Variants in RO60 observed in about 807,000 individuals in gnomAD.
The protein encoded by RO60 is RNA-binding protein RO60.
In RO60, 20 loss-of-function variants were observed where a neutral mutation model predicts 55.3. The ratio of observed to expected loss-of-function variants is 0.36; its 90% CI spans 0.25 to 0.53. RO60 has a LOEUF of 0.53. Among genes scored for constraint, RO60 ranks in the 20% least tolerant of loss-of-function variants. RO60 has a pLI of 0.92. For missense variants in RO60, 558 were observed against 646.6 expected, an observed-to-expected ratio of 0.86 and a Z score of 1.49; for synonymous variants, 213 against 213.6, an observed-to-expected ratio of 1.00 and a Z score of 0.02.
intron 1 of RO60, among the ~76,000 whole-genome samples, chr1:193,060,737 A>AT (rs1553268111): frequency 2.0e-5 from 3 of 152,072 alleles, no homozygotes; most frequent in Admixed American, 6.6e-5. Flanking sequence ...TTTAAAAAAA[A>AT]TTTTTTTTGT....
chr1:193,089,795 TA>T lies in RO60; in HGVS notation c.*5065del, dbSNP rs1379590805. ...ACATTAATTTTATGAACATAAATGA[TA>T]TTTAACTTTTCTTTTTTTTTTTTTT... On this transcript the variant is annotated 3_prime_UTR_variant, in exon 9 of 9. Transcript: ENST00000400968. The T allele has an allele frequency of 7.9e-5, 12 of 151,706 alleles. No homozygotes were observed. The highest frequency in any genetic ancestry group is 2.9e-4 in the African/African-American group (12 of 41,384). 9.4% of individuals were successfully genotyped at this position (151,706 alleles called of 1,614,324 possible). A position where few individuals can be genotyped will look rare whatever the true frequency, so the allele number is the denominator to read the frequency against.
chr1:193,091,529 CAACT>C (rs1674857481), downstream of RO60: 5 of 801,332 alleles, frequency 6.2e-6, no homozygotes, highest in Non-Finnish European at 1.0e-5. Context: ...GTAAATAATA[CAACT>C]AACAATGTAA....
rs1261075103 is a variant in RO60, at chr1:193,089,008, G to A, written c.*4277G>A. On this transcript the variant is annotated 3_prime_UTR_variant, in exon 9 of 9. Transcript: ENST00000400968. ...ATGAACCTTTTGCAGATTGCTTTTT[G>A]TTTCATACAAGTATAAGATCATATT... 6.6e-6 allele frequency: 1 copy of A among 152,042 alleles called. No individual in the cohort carries two copies. The highest frequency in any genetic ancestry group is 2.4e-5 in the African/African-American group (1 of 41,406). 9.4% of individuals were successfully genotyped at this position (152,042 alleles called of 1,614,324 possible). A position where few individuals can be genotyped will look rare whatever the true frequency, so the allele number is the denominator to read the frequency against.
At chr1:193,066,909 T>A (rs1199821493) in intron 1 of RO60, among the ~76,000 whole-genome samples, 1 of 152,250 alleles carries the variant, frequency 6.6e-6, no homozygotes, top group African/African-American at 2.4e-5. Flanking sequence ...ATCAGTTTTT[T>A]AGTTTGCCTT....
chr1:193,060,248 G>T, intron 1 of RO60: 3 of 482,076 alleles, frequency 6.2e-6, no homozygotes, highest in Non-Finnish European at 9.9e-6. Context: ...TGCTAGACTA[G>T]TGGAAGGGGA....
Position 193,059,806 on chromosome 1 carries a change from GC to G in RO60, c.-22+32del. The stretch of plus-strand genomic sequence containing the variant: ...GGACATTGCGGGAGGCCGGCTGGGA[GC>G]CTTTTGTGCGGCCCCAGGGACGCGC... On this transcript the variant is annotated intron_variant, in intron 1 of 8. Coordinates refer to ENST00000400968, the MANE Select transcript of RO60 (RefSeq NM_001173524.2). This position sits in a 1 kb window ranked among gnomAD's most constrained non-coding sequence, Gnocchi z 4.9. 2 of 1,356,786 alleles carry G rather than the reference GC, an allele frequency of 1.5e-6. No homozygotes were observed. The highest frequency in any genetic ancestry group is 2.0e-6 in the Non-Finnish European group (2 of 1,017,400). 84.0% of individuals were successfully genotyped at this position (1,356,786 alleles called of 1,614,324 possible). A position where few individuals can be genotyped will look rare whatever the true frequency, so the allele number is the denominator to read the frequency against.
At chr1:193,068,963 C>G in intron 1 of RO60, 71 bp from the exon 2 acceptor site, 8 of 984,338 alleles carry the variant, frequency 8.1e-6, no homozygotes, top group Non-Finnish European at 1.0e-5. Flanking sequence ...TTCAGTAAAC[C>G]TACATTTTGT....
chr1:193,059,657 C>CT lies in RO60; in HGVS notation c.-140dup. 3 of 1,378,244 alleles carry CT rather than the reference C, an allele frequency of 2.2e-6. No homozygotes were observed. Among genetic ancestry groups the CT allele is most frequent in the Non-Finnish European group, 2.9e-6 (3 of 1,031,538 alleles). 85.4% of individuals were successfully genotyped at this position (1,378,244 alleles called of 1,614,324 possible). A position where few individuals can be genotyped will look rare whatever the true frequency, so the allele number is the denominator to read the frequency against. The stretch of plus-strand genomic sequence containing the variant: ...CCTGGAATCCCCGGCGGCAGTGGGG[C>CT]TGTTGCTGTTGCTGTGGCTGTCGCT... On this transcript the variant is annotated 5_prime_UTR_variant, in exon 1 of 9. Transcript: ENST00000400968. The surrounding 1 kb of genome is among the most constrained non-coding windows in gnomAD (Gnocchi z 4.9).
rs899033712 is a variant in RO60, at chr1:193,090,466, C to G, written c.*5735C>G. 1 of 151,066 alleles carries G rather than the reference C, an allele frequency of 6.6e-6. No individual in the cohort carries two copies. Among genetic ancestry groups the G allele is most frequent in the South Asian group, 2.1e-4 (1 of 4,790 alleles). 9.4% of individuals were successfully genotyped at this position (151,066 alleles called of 1,614,324 possible). A position where few individuals can be genotyped will look rare whatever the true frequency, so the allele number is the denominator to read the frequency against. ...ACTCTCTATATCTGGTATGGCGTGA[C>G]TGGGCATAACTTCTGTAATGTATTT... On this transcript the variant is annotated 3_prime_UTR_variant, in exon 9 of 9. Transcript: ENST00000400968.
chr1:193,084,807 A>C lies in RO60; in HGVS notation c.*76A>C. The C allele has an allele frequency of 6.4e-7, 1 of 1,555,602 alleles. No individual in the cohort carries two copies. The highest frequency in any genetic ancestry group is 8.7e-7 in the Non-Finnish European group (1 of 1,155,388). The stretch of plus-strand genomic sequence containing the variant: ...AAAAATATACAGCTACTTCCCAGCT[A>C]ATCTCCACCCAATGAATGATGATGG... On this transcript the variant is annotated 3_prime_UTR_variant, in exon 9 of 9. Coordinates refer to ENST00000400968, the MANE Select transcript of RO60 (RefSeq NM_001173524.2).
chr1:193,082,839 A>T (rs1674409457), intron 8 of RO60, 131 bp downstream of exon 8: 3 of 685,454 alleles, frequency 4.4e-6, no homozygotes, highest in Non-Finnish European at 6.8e-6. Flanking sequence ...GTCATAGCTC[A>T]CTGCAACCTC....
In RO60 at chr1:193,088,988, C is replaced by G. The variant is rs770717175; in HGVS notation, c.*4257C>G. ...CACCCACATAGAGGTTTGGGATGAA[C>G]CTTTTGCAGATTGCTTTTTGTTTCA... On this transcript the variant is annotated 3_prime_UTR_variant, in exon 9 of 9. Transcript: ENST00000400968. 1.2e-4 allele frequency: 18 copies of G among 151,952 alleles called. No individual in the cohort carries two copies. Among genetic ancestry groups the G allele is most frequent in the Non-Finnish European group, 2.6e-4 (18 of 67,996 alleles). The allele number at this position is 151,952 out of a possible 1,614,324, so 9.4% of individuals were successfully genotyped here.
intron 5 of RO60, among the ~76,000 whole-genome samples, chr1:193,077,891 C>G (rs986995045): frequency 6.6e-6 from 1 of 152,096 alleles, no homozygotes; most frequent in Non-Finnish European, 1.5e-5. Context: ...TTGACTTGGT[C>G]CTCTGTTTTC....
chr1:193,081,580 T>C (rs1197852788), intron 6 of RO60, 100 bp downstream of exon 6: 2 of 672,886 alleles, frequency 3.0e-6, no homozygotes, highest in African/African-American at 3.7e-5. Flanking sequence ...TTCACTTTTT[T>C]CTGTCATTTC....
intron 2 of RO60, among the ~76,000 whole-genome samples, chr1:193,074,973 C>T (rs929165642): frequency 3.3e-5 from 5 of 152,072 alleles, no homozygotes; most frequent in African/African-American, 1.2e-4. Flanking sequence ...GTTGGGCACA[C>T]TGTTCTCAAA....
Position 193,085,486 on chromosome 1 carries a change from G to T in RO60, c.*755G>T. 1 of 984,846 alleles carries T rather than the reference G, an allele frequency of 1.0e-6. No homozygotes were observed. Among genetic ancestry groups the T allele is most frequent in the Non-Finnish European group, 1.2e-6 (1 of 829,828 alleles). 61.0% of individuals were successfully genotyped at this position (984,846 alleles called of 1,614,324 possible). A position where few individuals can be genotyped will look rare whatever the true frequency, so the allele number is the denominator to read the frequency against. On this transcript the variant is annotated 3_prime_UTR_variant, in exon 9 of 9. Coordinates refer to ENST00000400968, the MANE Select transcript of RO60 (RefSeq NM_001173524.2). ...TTGTTATATTTTATTGCTACAAGGG[G>T]TGTGACTTGATAATGATTTCCTCTG...
chr1:193,076,905 G>A lies in RO60; in HGVS notation c.949-8G>A. 6.2e-7 allele frequency: 1 copy of A among 1,601,580 alleles called. No homozygotes were observed. The highest frequency in any genetic ancestry group is 8.5e-7 in the Non-Finnish European group (1 of 1,173,510). On this transcript the variant is annotated splice_polypyrimidine_tract_variant and splice_region_variant and intron_variant, in intron 4 of 8. Coordinates refer to ENST00000400968, the MANE Select transcript of RO60 (RefSeq NM_001173524.2). ...TTTGCTAAAATTTTCCTTATACTTT[G>A]TTTCTAGGCTCGTATACATCCATTT...
intron 1 of RO60, among the ~76,000 whole-genome samples, chr1:193,060,549 C>G (rs1672520578): frequency 6.6e-6 from 1 of 152,202 alleles, no homozygotes; most frequent in African/African-American, 2.4e-5. Context: ...ACTCTGACTC[C>G]TTCCTTCTCA....
At chr1:193,073,950 A>C (rs1673706160) in intron 2 of RO60, among the ~76,000 whole-genome samples, 1 of 138,092 alleles carries the variant, frequency 7.2e-6, no homozygotes, top group South Asian at 2.2e-4. Context: ...ATGTGTTCTC[A>C]TTGTTCAATT....
Sources: allele counts gnomAD v4.1 joint callset (sites outside exome capture counted in the v4.1 genomes callset), GRCh38; gene constraint gnomAD v4.1.1; non-coding constraint Gnocchi (gnomAD v3.1); transcripts MANE v1.5; gene names NCBI Gene and HGNC (gene_info 2026-07-23, HGNC 2026-07-21).